SLC34A3: variants seen among roughly 807,000 people sequenced by gnomAD.
The protein encoded by SLC34A3 is solute carrier family 34 member 3.
SLC34A3 carries 60 observed loss-of-function variants against 43.9 expected under a neutral mutation model. That is an observed-to-expected ratio of 1.37 (90% CI 1.11 to 1.70). The LOEUF is 1.70. Among genes scored for constraint, SLC34A3 ranks in the 40% most tolerant of loss-of-function variants. The pLI, the probability that SLC34A3 is intolerant of heterozygous loss-of-function variation, is 0.00. For missense variants in SLC34A3, 969 were observed against 823.8 expected, an observed-to-expected ratio of 1.18 and a Z score of -2.16; for synonymous variants, 451 against 386.2, an observed-to-expected ratio of 1.17 and a Z score of -1.97.
rs34372115 is a variant in SLC34A3 at position 137,232,599 on chromosome 9, G to A, written c.200G>A (p.Arg67His). Residue 67 changes from arginine (R) to histidine (H), a missense_variant, in exon 4 of 13, where the codon CGC becomes CAC. Transcript: ENST00000673835. ...GAGCTCCGCGTGGCCGGCAGGCTGC[G>A]CCGCGTGGCCGGCAGCGTCCTCAAG... is the stretch of plus-strand genomic sequence containing the variant. ...WKELRVAGRL[R>H]RVAGSVLKAC... 0.089 allele frequency: 143,293 copies of A among 1,609,484 alleles called. 7,480 individuals are homozygous for A. The highest frequency in any genetic ancestry group is 0.18 in the East Asian group (8,235 of 44,634).
In SLC34A3 at chr9:137,232,582, C is replaced by T. The variant is rs766590721; in HGVS notation, c.183C>T (p.Arg61=). ...KDTSQPWKEL[R]VAGRLRRVAG... ...CCTGCCCTGTGTCCTCAGAGCTCCG[C>T]GTGGCCGGCAGGCTGCGCCGCGTGG... Residue 61 remains arginine (R), a synonymous_variant, in exon 4 of 13, where the codon CGC becomes CGT. Coordinates refer to ENST00000673835, the MANE Select transcript of SLC34A3 (RefSeq NM_001177316.2). 7.5e-6 allele frequency: 12 copies of T among 1,608,954 alleles called. No homozygotes were observed. Among genetic ancestry groups the T allele is most frequent in the South Asian group, 6.6e-5 (6 of 90,808 alleles).
chr9:137,234,566 G>T lies in SLC34A3; in HGVS notation c.1210+34G>T. Reference sequence around the variant, plus strand: ...GCAGGACAGAGGCCTCGGGAACGGGGGCTCGGGCTGGGGTCCTGTGGTGAC... The same window carrying T: ...GCAGGACAGAGGCCTCGGGAACGGGTGCTCGGGCTGGGGTCCTGTGGTGAC... On this transcript the variant is annotated intron_variant, in intron 11 of 12. Transcript: ENST00000673835. This position sits in a 1 kb window ranked among gnomAD's most constrained non-coding sequence, Gnocchi z 6.9. 6.2e-7 allele frequency: 1 copy of T among 1,610,094 alleles called. No homozygotes were observed. The highest frequency in any genetic ancestry group is 1.1e-5 in the South Asian group (1 of 91,046).
chr9:137,231,253 C>T lies in SLC34A3; in HGVS notation c.-40+315C>T, dbSNP rs368340636. ...CTCCCCATCACCAGGGCGTGGGGCC[C>T]TTATCAAGCCGAGACGTCACTGTTT... On this transcript the variant is annotated intron_variant, in intron 1 of 12. Coordinates refer to ENST00000673835, the MANE Select transcript of SLC34A3 (RefSeq NM_001177316.2). 5.9e-5 allele frequency among the ~76,000 whole-genome samples: 9 copies of T among 152,200 alleles called. No homozygotes were observed. The East Asian group carries it at 1.7e-3, about 29-fold the overall frequency.
At chr9:137,231,482 G>A (rs962038287) in intron 1 of SLC34A3, among the ~76,000 whole-genome samples, 182 bp from the exon 2 acceptor site, 1 of 151,950 alleles carries the variant, frequency 6.6e-6, no homozygotes, top group Admixed American at 6.6e-5. Flanking sequence ...ACTGCCTGAG[G>A]TCATTGTAGC....
In SLC34A3 at chr9:137,236,143, AG is replaced by A; in HGVS notation, c.1532del (p.Gly511AlafsTer56). The stretch of plus-strand genomic sequence containing the variant: ...TGGCGGCCTTCGGGCTCTCCCTGGC[AG>A]GGGGCATGGAGCTGGCCGCTGTCGG... ...PLAAFGLSLA[G>X]GMELAAVGGP... On this transcript the variant is annotated frameshift_variant, in exon 13 of 13. Transcript: ENST00000673835. LOFTEE classifies it low-confidence loss of function (END_TRUNC). The A allele has an allele frequency of 6.2e-7, 1 of 1,610,512 alleles. No homozygotes were observed.
In SLC34A3 at chr9:137,232,139, G is replaced by A. The variant is rs757247707; in HGVS notation, c.153G>A (p.Lys51=). The part of the protein sequence containing the change: ...DTDPWTLPQL[K]DTSQPWKELR... ...ACCCCTGGACCCTCCCTCAGCTGAAGGACACAAGCCAGCCCTGGAAAGGTG... is the reference window on the plus strand; with the variant it reads ...ACCCCTGGACCCTCCCTCAGCTGAAAGACACAAGCCAGCCCTGGAAAGGTG... The change falls in exon 3 of 13, where the codon AAG becomes AAA. Residue 51 remains lysine (K), a synonymous_variant. Coordinates refer to ENST00000673835, the MANE Select transcript of SLC34A3 (RefSeq NM_001177316.2). The A allele has an allele frequency of 6.0e-5, 97 of 1,612,996 alleles. No homozygotes were observed. The highest frequency in any genetic ancestry group is 7.0e-5 in the Non-Finnish European group (83 of 1,180,000).
chr9:137,233,422 C>G lies in SLC34A3; in HGVS notation c.756+18C>G. The G allele has an allele frequency of 6.3e-7, 1 of 1,593,230 alleles. No homozygotes were observed. Among genetic ancestry groups the G allele is most frequent in the Non-Finnish European group, 8.5e-7 (1 of 1,172,770 alleles). ...TCGTGCAGGTGAGGACGGCCACCGC[C>G]CCCGCCCAGAGAGCCTGAGCAGGCC... On this transcript the variant is annotated intron_variant, in intron 7 of 12. Coordinates refer to ENST00000673835, the MANE Select transcript of SLC34A3 (RefSeq NM_001177316.2).
rs768657435 is a variant in SLC34A3, at chr9:137,233,672, G to A, written c.796G>A (p.Ala266Thr). 17 of 1,612,620 alleles carry A rather than the reference G, an allele frequency of 1.1e-5. No homozygotes were observed. The highest frequency in any genetic ancestry group is 4.4e-5 in the South Asian group (4 of 91,086). ...DMIMSSATGN[A>T]TNSSLIKHWC... is the part of the protein sequence containing the mutation. ...GATCATGAGCAGTGCCACAGGCAAC[G>A]CCACTAACAGCAGTCTCATTAAGCA... Residue 266 changes from alanine (A) to threonine (T), a missense_variant, in exon 8 of 13, where the codon GCC becomes ACC. By Grantham distance (58) the Ala-to-Thr change is moderately conservative. Coordinates refer to ENST00000673835, the MANE Select transcript of SLC34A3 (RefSeq NM_001177316.2).
chr9:137,232,734 G>A lies in SLC34A3; in HGVS notation c.304+31G>A, dbSNP rs769631018. On this transcript the variant is annotated intron_variant, in intron 4 of 12. Coordinates refer to ENST00000673835, the MANE Select transcript of SLC34A3 (RefSeq NM_001177316.2). The stretch of plus-strand genomic sequence containing the variant: ...TGACGGGACGGGTGCCCAGGGCGGG[G>A]CGGGCAACCAGCCCTCCGCAGCTTC... 2.4e-5 allele frequency: 38 copies of A among 1,612,814 alleles called. 1 individual carries two copies. In the South Asian group the frequency reaches 3.3e-4, roughly 14 times the overall value.
chr9:137,232,711 A>G lies in SLC34A3; in HGVS notation c.304+8A>G. 1 of 1,612,908 alleles carries G rather than the reference A, an allele frequency of 6.2e-7. No homozygotes were observed. Among genetic ancestry groups the G allele is most frequent in the Non-Finnish European group, 8.5e-7 (1 of 1,179,942 alleles). Reference sequence around the variant, plus strand: ...CCTTCCAGCTGCTGGGCAGTGAGTGACGGGACGGGTGCCCAGGGCGGGGCG... The same window carrying G: ...CCTTCCAGCTGCTGGGCAGTGAGTGGCGGGACGGGTGCCCAGGGCGGGGCG... On this transcript the variant is annotated splice_region_variant and intron_variant, in intron 4 of 12. Coordinates refer to ENST00000673835, the MANE Select transcript of SLC34A3 (RefSeq NM_001177316.2).
Position 137,233,665 on chromosome 9 carries a change from A to T in SLC34A3, c.789A>T (p.Thr263=). 6.8e-6 allele frequency: 11 copies of T among 1,612,762 alleles called. No homozygotes were observed. The highest frequency in any genetic ancestry group is 9.3e-6 in the Non-Finnish European group (11 of 1,179,952). ...LDSDMIMSSA[T]GNATNSSLIK... is the part of the protein sequence containing the mutation. ...CCGACATGATCATGAGCAGTGCCAC[A>T]GGCAACGCCACTAACAGCAGTCTCA... The change falls in exon 8 of 13, where the codon ACA becomes ACT. Residue 263 remains threonine, a synonymous_variant. Transcript: ENST00000673835.
At position 137,234,303 on chromosome 9, in the gene SLC34A3, G is replaced by T; in HGVS notation, c.1093+27G>T. 1 of 1,607,678 alleles carries T rather than the reference G, an allele frequency of 6.2e-7. No individual in the cohort carries two copies. ...TGAGGGCGTGGGAGGAGGTGCGGTG[G>T]CCAGGGCTGACCCAGCATCCCCCAT... On this transcript the variant is annotated intron_variant, in intron 10 of 12. Transcript: ENST00000673835. This position sits in a 1 kb window ranked among gnomAD's most constrained non-coding sequence, Gnocchi z 6.9.
Position 137,233,913 on chromosome 9 carries a change from C to A in SLC34A3, c.897C>A (p.Asn299Lys). ...CGAFGPCTEKNSTAPADRLPC... is the reference protein window; with the variant it reads ...CGAFGPCTEKKSTAPADRLPC... Reference sequence around the variant, plus strand: ...CCTTCGGCCCGTGCACAGAGAAGAACAGCACAGCCCCGGCGGACAGGCTGC... The same window carrying A: ...CCTTCGGCCCGTGCACAGAGAAGAAAAGCACAGCCCCGGCGGACAGGCTGC... Residue 299 changes from asparagine (N) to lysine (K), a missense_variant, in exon 9 of 13, where the codon AAC becomes AAA. By Grantham distance (94) the Asn-to-Lys change is moderately conservative. Transcript: ENST00000673835. 1 of 1,587,892 alleles carries A rather than the reference C, an allele frequency of 6.3e-7. No homozygotes were observed. The highest frequency in any genetic ancestry group is 8.6e-7 in the Non-Finnish European group (1 of 1,167,360).
rs775416220 is a variant in SLC34A3, at chr9:137,236,189, G to C, written c.1573G>C (p.Val525Leu). 3 of 1,601,372 alleles carry C rather than the reference G, an allele frequency of 1.9e-6. No homozygotes were observed. Among genetic ancestry groups the C allele is most frequent in the Non-Finnish European group, 2.6e-6 (3 of 1,175,960 alleles). ...AAVGGPLVGLVLLVILVTVLQ... is the reference protein window; with the variant it reads ...AAVGGPLVGLLLLVILVTVLQ... ...TGTCGGGGGTCCCCTGGTGGGGCTG[G>C]TGCTCCTCGTCATCCTGGTTACTGT... The change falls in exon 13 of 13, where the codon GTG (valine) becomes CTG (leucine). Residue 525 changes from valine to leucine, a missense_variant. Physicochemically the swap from Val to Leu is conservative, Grantham distance 32 (BLOSUM62 1). Transcript: ENST00000673835.
rs1836441025 is a variant in SLC34A3, at chr9:137,234,222, A to C, written c.1039A>C (p.Asn347His). ...GCLVLIVKLL[N>H]SVLRGRVAQV... ...CCTGGTCCTCATAGTCAAGCTGCTCAACTCTGTGCTGCGCGGCCGCGTGGC... is the reference window on the plus strand; with the variant it reads ...CCTGGTCCTCATAGTCAAGCTGCTCCACTCTGTGCTGCGCGGCCGCGTGGC... The change falls in exon 10 of 13, where the codon AAC (asparagine) becomes CAC (histidine). Residue 347 changes from asparagine (N) to histidine (H), a missense_variant. By Grantham distance (68) the Asn-to-His change is moderately conservative (BLOSUM62 1). Coordinates refer to ENST00000673835, the MANE Select transcript of SLC34A3 (RefSeq NM_001177316.2). The surrounding 1 kb of genome is among the most constrained non-coding windows in gnomAD (Gnocchi z 6.9). 6.2e-7 allele frequency: 1 copy of C among 1,609,508 alleles called. No individual in the cohort carries two copies. The highest frequency in any genetic ancestry group is 1.7e-5 in the Admixed American group (1 of 59,762).
Position 137,232,823 on chromosome 9 carries a change from T to C in SLC34A3, c.344T>C (p.Leu115Pro), listed in dbSNP as rs1482726812. ...AGDIFKDNVV[L>P]SNPVAGLVIG... is the part of the protein sequence containing the mutation. ...GACATCTTCAAGGACAACGTGGTGC[T>C]GTCCAACCCTGTGGCTGGACTGGTC... Residue 115 changes from leucine to proline, a missense_variant, in exon 5 of 13, where the codon CTG becomes CCG. Transcript: ENST00000673835. 1.2e-6 allele frequency: 2 copies of C among 1,613,084 alleles called. No individual in the cohort carries two copies. The highest frequency in any genetic ancestry group is 2.2e-5 in the East Asian group (1 of 44,896).
intron 3 of SLC34A3, among the ~76,000 whole-genome samples, 159 bp from the exon 4 acceptor site, chr9:137,232,416 G>C (rs2131404266): frequency 1.3e-5 from 2 of 152,364 alleles, no homozygotes; most frequent in South Asian, 4.1e-4. Flanking sequence ...GCTTGGAAAG[G>C]CAGGAACCCG....
rs1173255672 is a variant in SLC34A3 at position 137,233,727 on chromosome 9, G to A, written c.846+5G>A. ...TGCGGCACCACGGGGCAGCCGGTGAGGCACCCAACCCTAGGCCCTCACTGA... is the reference window on the plus strand; with the variant it reads ...TGCGGCACCACGGGGCAGCCGGTGAAGCACCCAACCCTAGGCCCTCACTGA... On this transcript the variant is annotated splice_donor_5th_base_variant and intron_variant, in intron 8 of 12. Transcript: ENST00000673835. The A allele has an allele frequency of 6.2e-7, 1 of 1,612,150 alleles. No individual in the cohort carries two copies. Among genetic ancestry groups the A allele is most frequent in the Non-Finnish European group, 8.5e-7 (1 of 1,179,794 alleles).
At chr9:137,230,171 G>A (rs1287738176), upstream of SLC34A3, among the ~76,000 whole-genome samples, 1 of 152,138 alleles carries the variant, frequency 6.6e-6, no homozygotes, top group South Asian at 2.1e-4. Context: ...CCTCCTAGGG[G>A]ACACCCCACA....
Sources: allele counts gnomAD v4.1 joint callset (sites outside exome capture counted in the v4.1 genomes callset), GRCh38; gene constraint gnomAD v4.1.1; non-coding constraint Gnocchi (gnomAD v3.1); transcripts MANE v1.5; gene names NCBI Gene and HGNC (gene_info 2026-07-23, HGNC 2026-07-21).